The following WDR55 variants were observed in gnomAD, a reference collection of about 807,000 sequenced individuals.
The protein encoded by WDR55 is WD repeat domain 55.
A neutral mutation model predicts 34.0 loss-of-function variants in WDR55; 31 were observed. That is an observed-to-expected ratio of 0.91 (90% CI 0.69 to 1.23). WDR55 has a LOEUF of 1.23. WDR55 is among the 50% of genes most tolerant of loss of function. The pLI, the probability that WDR55 is intolerant of heterozygous loss-of-function variation, is 0.00. For missense variants in WDR55, 440 were observed against 494.6 expected (o/e 0.89, Z 1.05); for synonymous variants, 164 against 185.9 (o/e 0.88, Z 0.96).
Position 140,672,012 on chromosome 5 carries a change from A to T in WDR55, c.*2358A>T, listed in dbSNP as rs1219279592. Reference sequence around the variant, plus strand: ...CTGCCTCATAACCATCATAATGGCTAATCTTTACTGGGAAAACTTGCTGTA... The same window carrying T: ...CTGCCTCATAACCATCATAATGGCTTATCTTTACTGGGAAAACTTGCTGTA... On this transcript the variant is annotated 3_prime_UTR_variant, in exon 7 of 7. Coordinates refer to ENST00000358337, the MANE Select transcript of WDR55 (RefSeq NM_017706.5). The T allele has an allele frequency of 1.0e-5, 6 of 587,492 alleles. No homozygotes were observed. The East Asian group carries it at 1.7e-4, about 17-fold the overall frequency. 36.4% of individuals were successfully genotyped at this position (587,492 alleles called of 1,614,324 possible).
In WDR55 at chr5:140,669,644, A is replaced by C; in HGVS notation, c.1142A>C (p.Asp381Ala). 1 of 1,612,442 alleles carries C rather than the reference A, an allele frequency of 6.2e-7. No homozygotes were observed. The highest frequency in any genetic ancestry group is 1.1e-5 in the South Asian group (1 of 90,938). The change falls in exon 7 of 7, where the codon GAC becomes GCC. Residue 381 changes from aspartate (D) to alanine (A), a missense_variant. Asp to Ala is a moderately radical substitution (Grantham distance 126, BLOSUM62 -2). Transcript: ENST00000358337. ...AQEEKEETGD[D>A]SD is the part of the protein sequence containing the mutation. Reference sequence around the variant, plus strand: ...GAAGAAAAGGAGGAGACTGGGGATGACAGTGACTGAAGGAATGAATTGAAT... The same window carrying C: ...GAAGAAAAGGAGGAGACTGGGGATGCCAGTGACTGAAGGAATGAATTGAAT...
At position 140,669,616 on chromosome 5, in the gene WDR55, C is replaced by T. The variant is rs781567299; in HGVS notation, c.1114C>T (p.Gln372Ter). Residue 372 changes from glutamine to a stop codon, truncating the protein, a stop_gained, in exon 7 of 7, where the codon CAG becomes TAG. Transcript: ENST00000358337. LOFTEE classifies it high-confidence loss of function. Reference protein sequence around the residue: ...LREEGEDSMAQEEKEETGDDS... With the variant: ...LREEGEDSMA ...GGAAGAGGGAGAAGACTCCATGGCT[C>T]AGGAAGAAAAGGAGGAGACTGGGGA... 7.4e-6 allele frequency: 12 copies of T among 1,613,900 alleles called. No individual in the cohort carries two copies. The highest frequency in any genetic ancestry group is 9.3e-6 in the Non-Finnish European group (11 of 1,179,940).
At position 140,671,833 on chromosome 5, in the gene WDR55, T is replaced by TTTGTAG. The variant is rs1561992993; in HGVS notation, c.*2179_*2180insTTGTAG. ...TGGTGAGCCCTTTGGAGCTACACAGTCCTGTTATTTGTAGCCTTCCCATTT... is the reference window on the plus strand; with the variant it reads ...TGGTGAGCCCTTTGGAGCTACACAGTTTGTAGCCTGTTATTTGTAGCCTTCCCATTT... On this transcript the variant is annotated 3_prime_UTR_variant, in exon 7 of 7. Coordinates refer to ENST00000358337, the MANE Select transcript of WDR55 (RefSeq NM_017706.5). 4.9e-6 allele frequency: 7 copies of TTTGTAG among 1,423,778 alleles called. No homozygotes were observed. The highest frequency in any genetic ancestry group is 6.8e-6 in the Non-Finnish European group (7 of 1,032,160). The allele number at this position is 1,423,778 out of a possible 1,614,324, so 88.2% of individuals were successfully genotyped here.
In WDR55 at chr5:140,669,574, T is replaced by A; in HGVS notation, c.1072T>A (p.Phe358Ile). 3 of 1,614,108 alleles carry A rather than the reference T, an allele frequency of 1.9e-6. No individual in the cohort carries two copies. Among genetic ancestry groups the A allele is most frequent in the Non-Finnish European group, 2.5e-6 (3 of 1,179,990 alleles). ...CAGCAAGACTTGGAGCACCGATGACTTCTTCGCAGGACTGAGGGAAGAGGG... is the reference window on the plus strand; with the variant it reads ...CAGCAAGACTTGGAGCACCGATGACATCTTCGCAGGACTGAGGGAAGAGGG... Reference protein sequence around the residue: ...LSSKTWSTDDFFAGLREEGED... With the variant: ...LSSKTWSTDDIFAGLREEGED... The change falls in exon 7 of 7, where the codon TTC becomes ATC. Residue 358 changes from phenylalanine (F) to isoleucine (I), a missense_variant. Coordinates refer to ENST00000358337, the MANE Select transcript of WDR55 (RefSeq NM_017706.5).
chr5:140,666,957 A>T, intron 1 of WDR55: 1 of 985,466 alleles, frequency 1.0e-6, no homozygotes, highest in Non-Finnish European at 1.2e-6. Flanking sequence ...TATGCTTATC[A>T]GATTTACTTA....
In WDR55 at chr5:140,671,813, A is replaced by T. The variant is rs1758084098; in HGVS notation, c.*2159A>T. On this transcript the variant is annotated 3_prime_UTR_variant, in exon 7 of 7. Transcript: ENST00000358337. ...CCTGGGCCCAAGCCTCCAGGTGGTG[A>T]GCCCTTTGGAGCTACACAGTCCTGT... 4.0e-6 allele frequency: 6 copies of T among 1,501,810 alleles called. No individual in the cohort carries two copies. The highest frequency in any genetic ancestry group is 4.5e-6 in the Non-Finnish European group (5 of 1,102,552). 93.0% of individuals were successfully genotyped at this position (1,501,810 alleles called of 1,614,324 possible).
In WDR55 at chr5:140,670,891, G is replaced by T. The variant is rs1335250925; in HGVS notation, c.*1237G>T. 1 of 270,488 alleles carries T rather than the reference G, an allele frequency of 3.7e-6. No homozygotes were observed. The highest frequency in any genetic ancestry group is 7.2e-6 in the Non-Finnish European group (1 of 139,262). 16.8% of individuals were successfully genotyped at this position (270,488 alleles called of 1,614,324 possible). On this transcript the variant is annotated 3_prime_UTR_variant, in exon 7 of 7. Transcript: ENST00000358337. ...CAGAATGCCATGTGGTGGAGGCAAA[G>T]GGCAGAATTTCTGACCCCTTTGGCT...
rs1757881155 is a variant in WDR55 at position 140,664,993 on chromosome 5, G to C, written c.81G>C (p.Arg27=). The change falls in exon 1 of 7, where the codon CGG becomes CGC. Residue 27 remains arginine, a synonymous_variant. Coordinates refer to ENST00000358337, the MANE Select transcript of WDR55 (RefSeq NM_017706.5). ...CAGACTCCATGGAAGCCCCAACCCG[G>C]ATCCGGGACACTCCGGAAGACATCG... ...EDPDSMEAPT[R]IRDTPEDIVL... 1.9e-6 allele frequency: 3 copies of C among 1,613,958 alleles called. No individual in the cohort carries two copies. The highest frequency in any genetic ancestry group is 1.7e-5 in the Admixed American group (1 of 59,998).
rs1012474569 is a variant in WDR55, at chr5:140,671,780, G to C, written c.*2126G>C. On this transcript the variant is annotated 3_prime_UTR_variant, in exon 7 of 7. Coordinates refer to ENST00000358337, the MANE Select transcript of WDR55 (RefSeq NM_017706.5). ...AGGAAAAATGCAAAGACAAGGGCAGGTCTAAACCCTGGGCCCAAGCCTCCA... is the reference window on the plus strand; with the variant it reads ...AGGAAAAATGCAAAGACAAGGGCAGCTCTAAACCCTGGGCCCAAGCCTCCA... 4 of 1,553,552 alleles carry C rather than the reference G, an allele frequency of 2.6e-6. No homozygotes were observed. Among genetic ancestry groups the C allele is most frequent in the Non-Finnish European group, 3.5e-6 (4 of 1,147,800 alleles).
chr5:140,665,221 A>G (rs555897097), intron 1 of WDR55, 118 bp downstream of exon 1: 2 of 856,514 alleles, frequency 2.3e-6, no homozygotes, highest in Admixed American at 6.0e-5. Flanking sequence ...CTTTGGGTCC[A>G]ATTTATTCAG....
At position 140,668,887 on chromosome 5, in the gene WDR55, A is replaced by G. The variant is rs758858731; in HGVS notation, c.561-4A>G. On this transcript the variant is annotated splice_region_variant and splice_polypyrimidine_tract_variant and intron_variant, in intron 4 of 6. Transcript: ENST00000358337. ...GTCTAAGCCTACTGCTCTACTCTCT[A>G]CAGCGGGGATGGCTGCCTTGGCATC... The G allele has an allele frequency of 6.2e-7, 1 of 1,614,112 alleles. No individual in the cohort carries two copies. The highest frequency in any genetic ancestry group is 1.1e-5 in the South Asian group (1 of 91,078).
At chr5:140,666,973 TTTAAACC>T in intron 1 of WDR55, 3 of 985,488 alleles carry the variant, frequency 3.0e-6, no homozygotes, top group Non-Finnish European at 3.6e-6. Flanking sequence ...ACTTAATGAA[TTTAAACC>T]TCAACCCCTC....
At position 140,672,092 on chromosome 5, in the gene WDR55, C is replaced by G. The variant is rs1235652592; in HGVS notation, c.*2438C>G. On this transcript the variant is annotated 3_prime_UTR_variant, in exon 7 of 7. Coordinates refer to ENST00000358337, the MANE Select transcript of WDR55 (RefSeq NM_017706.5). The stretch of plus-strand genomic sequence containing the variant: ...CCATTATGTTACTTAATTCTCATAA[C>G]AGTCTGAGGAAACAGATTCTATAGT... 3.7e-6 allele frequency: 2 copies of G among 543,066 alleles called. No individual in the cohort carries two copies. Among genetic ancestry groups the G allele is most frequent in the Non-Finnish European group, 6.6e-6 (2 of 302,198 alleles). 33.6% of individuals were successfully genotyped at this position (543,066 alleles called of 1,614,324 possible).
chr5:140,668,875 G>A lies in WDR55; in HGVS notation c.561-16G>A. ...AATAGACCTTGCGTCTAAGCCTACTGCTCTACTCTCTACAGCGGGGATGGC... is the reference window on the plus strand; with the variant it reads ...AATAGACCTTGCGTCTAAGCCTACTACTCTACTCTCTACAGCGGGGATGGC... On this transcript the variant is annotated splice_polypyrimidine_tract_variant and intron_variant, in intron 4 of 6. Transcript: ENST00000358337. 1 of 1,614,180 alleles carries A rather than the reference G, an allele frequency of 6.2e-7. No homozygotes were observed. Among genetic ancestry groups the A allele is most frequent in the Non-Finnish European group, 8.5e-7 (1 of 1,180,046 alleles).
rs1581489809 is a variant in WDR55 at position 140,666,392 on chromosome 5, A to G, written c.191+1289A>G. ...GCCTGGGCAACAAGAGCAAAACTCC[A>G]TCTCAAAAAAAAATCTCGAAACCTC... On this transcript the variant is annotated intron_variant, in intron 1 of 6. Coordinates refer to ENST00000358337, the MANE Select transcript of WDR55 (RefSeq NM_017706.5). Among the ~76,000 whole-genome samples, 5 of 152,244 alleles carry G rather than the reference A, an allele frequency of 3.3e-5. No individual in the cohort carries two copies. The South Asian group carries it at 1.0e-3, about 32-fold the overall frequency.
Position 140,668,261 on chromosome 5 carries a change from A to C in WDR55, c.219A>C (p.Glu73Asp). ...FVFSYSCQEG[E>D]TKELWSSGHH... ...TTTCCTACTCTTGCCAAGAGGGAGA[A>C]ACCAAGGAGCTCTGGTCATCAGGTC... Residue 73 changes from glutamate to aspartate, a missense_variant, in exon 2 of 7, where the codon GAA becomes GAC. Transcript: ENST00000358337. 5.6e-6 allele frequency: 9 copies of C among 1,611,896 alleles called. No individual in the cohort carries two copies. The highest frequency in any genetic ancestry group is 7.6e-6 in the Non-Finnish European group (9 of 1,178,440).
At chr5:140,666,925 G>A (rs982629965) in intron 1 of WDR55, 1 of 985,282 alleles carries the variant, frequency 1.0e-6, no homozygotes, top group African/African-American at 1.7e-5. Flanking sequence ...CAGGTTAGAG[G>A]CAGTGGAAAA....
intron 1 of WDR55, chr5:140,666,883 C>A: frequency 1.0e-6 from 1 of 985,332 alleles, no homozygotes; most frequent in Non-Finnish European, 1.2e-6. Context: ...AGGGTAGATG[C>A]TCAACACATG....
chr5:140,666,946 T>G, intron 1 of WDR55: 1 of 985,444 alleles, frequency 1.0e-6, no homozygotes, highest in South Asian at 4.7e-5. Flanking sequence ...GTTGAAGATG[T>G]TATGCTTATC....
Sources: allele counts gnomAD v4.1 joint callset (sites outside exome capture counted in the v4.1 genomes callset), GRCh38; gene constraint gnomAD v4.1.1; transcripts MANE v1.5; gene names NCBI Gene and HGNC (gene_info 2026-07-23, HGNC 2026-07-21).